Variants in RCSD1 observed in about 807,000 individuals in gnomAD.
The protein encoded by RCSD1 is capZ-interacting protein.
Under a neutral mutation model 42.5 loss-of-function variants are expected in RCSD1, and 26 were observed. The observed-to-expected ratio is 0.61, with a 90% CI of 0.45 to 0.85. The LOEUF (loss-of-function observed/expected upper bound fraction) is 0.85. Ranked by LOEUF, RCSD1 falls within the 40% of genes least tolerant of loss-of-function variation. The pLI, the probability that RCSD1 is intolerant of heterozygous loss-of-function variation, is 0.00. For missense variants in RCSD1, 571 were observed against 528.3 expected (o/e 1.08, Z -0.79); for synonymous variants, 220 against 212.2 (o/e 1.04, Z -0.32).
chr1:167,645,563 G>A (rs960929861), intron 1 of RCSD1, among the ~76,000 whole-genome samples: 4 of 152,230 alleles, frequency 2.6e-5, no homozygotes, highest in Admixed American at 2.6e-4. Flanking sequence ...GGCTTATTGG[G>A]AGAGGGTGAC....
intron 1 of RCSD1, among the ~76,000 whole-genome samples, chr1:167,668,787 G>T (rs1658723889): frequency 6.6e-6 from 1 of 151,948 alleles, no homozygotes; most frequent in Non-Finnish European, 1.5e-5. Flanking sequence ...AATGGGGGAA[G>T]GTGCATGGTG....
In RCSD1 at chr1:167,686,887, T is replaced by C. The variant is rs1659248812; in HGVS notation, c.198+1377T>C. On this transcript the variant is annotated intron_variant, in intron 3 of 6. Coordinates refer to ENST00000367854, the MANE Select transcript of RCSD1 (RefSeq NM_052862.4). ...TAGCCTGGGCTTGGCCCAGGAGAAG[T>C]CACCACACCATACCGAATCATTTTT... 2.0e-5 allele frequency among the ~76,000 whole-genome samples: 3 copies of C among 152,308 alleles called. 1 individual carries two copies. The South Asian group carries it at 6.2e-4, about 32-fold the overall frequency.
At position 167,707,066 on chromosome 1, in the gene RCSD1, G is replaced by A. The variant is rs1273443414; in HGVS notation, c.*2370G>A. 1.3e-5 allele frequency among the ~76,000 whole-genome samples: 2 copies of A among 152,134 alleles called. No individual in the cohort carries two copies. The highest frequency in any genetic ancestry group is 2.9e-5 in the Non-Finnish European group (2 of 68,020). ...TAGTCTAGCTTGAATTTCAAACTGT[G>A]TCCTTCCTTACTCCAGAGAGGGAGC... On this transcript the variant is annotated 3_prime_UTR_variant, in exon 7 of 7. Transcript: ENST00000367854.
intron 1 of RCSD1, among the ~76,000 whole-genome samples, chr1:167,658,551 G>C (rs1658474360): frequency 6.6e-6 from 1 of 152,076 alleles, no homozygotes; most frequent in South Asian, 2.1e-4. Flanking sequence ...TCAGCCTCCT[G>C]AGTAACTGGG....
intron 1 of RCSD1, among the ~76,000 whole-genome samples, chr1:167,675,461 C>T (rs1051734550): frequency 1.3e-5 from 2 of 152,074 alleles, no homozygotes; most frequent in Non-Finnish European, 2.9e-5. Context: ...CAACTGCTCC[C>T]ATAATTCAAT....
rs963934230 is a variant in RCSD1, at chr1:167,697,738, C to G, written c.1114C>G (p.Gln372Glu). Residue 372 changes from glutamine to glutamate, a missense_variant, in exon 6 of 7, where the codon CAG becomes GAG. Transcript: ENST00000367854. Reference protein sequence around the residue: ...PKQEKGKEKQQEGAVLEPGCS... With the variant: ...PKQEKGKEKQEEGAVLEPGCS... ...GCAGGAAAAAGGCAAGGAAAAACAA[C>G]AGGAGGGGGCAGTGCTCGAGCCAGG... The G allele has an allele frequency of 4.5e-6, 7 of 1,566,812 alleles. No homozygotes were observed. Among genetic ancestry groups the G allele is most frequent in the Admixed American group, 1.9e-5 (1 of 52,210 alleles).
At chr1:167,651,903 GT>G (rs1220531076) in intron 1 of RCSD1, among the ~76,000 whole-genome samples, 4 of 151,840 alleles carry the variant, frequency 2.6e-5, no homozygotes, top group Non-Finnish European at 2.9e-5. Flanking sequence ...GGGTCCAGGT[GT>G]TTTTTCTCAC....
chr1:167,686,453 C>G (rs1659238730), intron 3 of RCSD1, among the ~76,000 whole-genome samples: 1 of 152,164 alleles, frequency 6.6e-6, no homozygotes, highest in Non-Finnish European at 1.5e-5. Flanking sequence ...CAATGGTTTT[C>G]AAGCCTTTTT....
At chr1:167,646,994 G>C (rs958084674) in intron 1 of RCSD1, among the ~76,000 whole-genome samples, 28 of 152,166 alleles carry the variant, frequency 1.8e-4, no homozygotes, top group Non-Finnish European at 3.7e-4. Flanking sequence ...GCCTGGCATG[G>C]TGGTGCATGC....
intron 1 of RCSD1, among the ~76,000 whole-genome samples, chr1:167,672,603 T>C (rs1658837522): frequency 6.6e-6 from 1 of 152,194 alleles, no homozygotes; most frequent in Non-Finnish European, 1.5e-5. Flanking sequence ...TCACTCTGAC[T>C]CTCACTCTTC....
At chr1:167,639,546 G>A (rs934346284) in intron 1 of RCSD1, among the ~76,000 whole-genome samples, 7 of 151,970 alleles carry the variant, frequency 4.6e-5, no homozygotes, top group Non-Finnish European at 7.4e-5. Context: ...AGGCTGGAGC[G>A]CAATGGTGCA....
At chr1:167,671,990 G>A (rs1278827884) in intron 1 of RCSD1, among the ~76,000 whole-genome samples, 1 of 152,152 alleles carries the variant, frequency 6.6e-6, no homozygotes, top group Non-Finnish European at 1.5e-5. Flanking sequence ...CTTCCCGGGT[G>A]CCTCTGGCCA....
At chr1:167,631,464 T>C (rs1481496904) in intron 1 of RCSD1, among the ~76,000 whole-genome samples, 2 of 152,234 alleles carry the variant, frequency 1.3e-5, no homozygotes, top group Non-Finnish European at 2.9e-5. Context: ...CTCCAGGCTC[T>C]GTGCCTGGGC....
At position 167,706,892 on chromosome 1, in the gene RCSD1, C is replaced by T. The variant is rs530291481; in HGVS notation, c.*2196C>T. 1.2e-4 allele frequency among the ~76,000 whole-genome samples: 19 copies of T among 152,306 alleles called. No homozygotes were observed. The South Asian group carries it at 3.9e-3, about 32-fold the overall frequency. Reference sequence around the variant, plus strand: ...TTCTAAATTTGGGATTAAAGAAATTCATCTGTGTCTTAGGTAGCACAAAGT... The same window carrying T: ...TTCTAAATTTGGGATTAAAGAAATTTATCTGTGTCTTAGGTAGCACAAAGT... On this transcript the variant is annotated 3_prime_UTR_variant, in exon 7 of 7. Transcript: ENST00000367854.
chr1:167,677,892 A>T (rs369654905), intron 1 of RCSD1, among the ~76,000 whole-genome samples: 69 of 152,314 alleles, frequency 4.5e-4, no homozygotes, highest in Non-Finnish European at 7.8e-4. Context: ...TGAGGGGGGT[A>T]TGTCGCTTTT....
intron 6 of RCSD1, among the ~76,000 whole-genome samples, chr1:167,699,073 C>G (rs1420726391): frequency 6.6e-6 from 1 of 152,186 alleles, no homozygotes; most frequent in Non-Finnish European, 1.5e-5. Context: ...GCTGGGATTA[C>G]AGGCGTGAGC....
At chr1:167,695,926 C>T (rs934785333) in intron 5 of RCSD1, among the ~76,000 whole-genome samples, 2 of 152,168 alleles carry the variant, frequency 1.3e-5, no homozygotes, top group African/African-American at 4.8e-5. Flanking sequence ...TGAGAAGAGG[C>T]CTGATTCTGA....
intron 3 of RCSD1, among the ~76,000 whole-genome samples, chr1:167,686,292 C>T (rs1659235144): frequency 6.6e-6 from 1 of 152,168 alleles, no homozygotes; most frequent in African/African-American, 2.4e-5. Context: ...CAATGTCATT[C>T]CCAAATTCCA....
chr1:167,707,741 A>T lies in RCSD1; in HGVS notation c.*3045A>T, dbSNP rs962785702. 4.6e-5 allele frequency among the ~76,000 whole-genome samples: 7 copies of T among 151,918 alleles called. No homozygotes were observed. Among genetic ancestry groups the T allele is most frequent in the African/African-American group, 1.7e-4 (7 of 41,324 alleles). On this transcript the variant is annotated 3_prime_UTR_variant, in exon 7 of 7. Coordinates refer to ENST00000367854, the MANE Select transcript of RCSD1 (RefSeq NM_052862.4). ...GAGTGCAGTGGCACAATCACAGTTCACTGCAACCTCTGCCTCCTGCATTCA... is the reference window on the plus strand; with the variant it reads ...GAGTGCAGTGGCACAATCACAGTTCTCTGCAACCTCTGCCTCCTGCATTCA...
Sources: gnomAD v4.1 joint callset for allele counts (sites outside exome capture counted in the v4.1 genomes callset) on GRCh38, gnomAD v4.1.1 for gene constraint, MANE v1.5 for transcripts, NCBI Gene and HGNC (gene_info 2026-07-23, HGNC 2026-07-21) for gene names.